The following GARIN1B variants were observed in gnomAD, a reference collection of about 807,000 sequenced individuals.
GARIN1B encodes the protein golgi associated RAB2 interactor 1B.
chr7:128,728,210 G>A, the GARIN1B span, among the ~76,000 whole-genome samples: 7 of 152,306 alleles, frequency 4.6e-5, no homozygotes, highest in South Asian at 8.3e-4. Flanking sequence ...TTGGGAGGCC[G>A]AGGTGGATGG....
chr7:128,718,754 C>T, the GARIN1B span: 2 of 1,545,384 alleles, frequency 1.3e-6, no homozygotes, highest in Non-Finnish European at 1.8e-6. Context: ...TAAAGGAGAC[C>T]TGCCTCATTT....
the GARIN1B span, among the ~76,000 whole-genome samples, chr7:128,717,354 C>T: frequency 1.3e-5 from 2 of 152,064 alleles, no homozygotes; most frequent in African/African-American, 2.4e-5. Flanking sequence ...ATTTCTAGTT[C>T]TTGGTGTACA....
chr7:128,723,153 C>T, the GARIN1B span: 6 of 1,550,030 alleles, frequency 3.9e-6, no homozygotes, highest in Non-Finnish European at 5.2e-6. Flanking sequence ...ATGTGAAGAC[C>T]CCAAGGCCTT....
At chr7:128,716,914 A>T in the GARIN1B span, 298 of 1,613,686 alleles carry the variant, frequency 1.8e-4, no homozygotes, top group Non-Finnish European at 2.5e-4. Context: ...CCAACATCCT[A>T]CTCATGGCCA....
the GARIN1B span, chr7:128,726,789 C>T: frequency 6.2e-7 from 1 of 1,611,354 alleles, no homozygotes; most frequent in Non-Finnish European, 8.5e-7. Context: ...TTTTCCTTTA[C>T]TTTCAACTTT....
At chr7:128,731,265 A>G in the GARIN1B span, 1 of 803,722 alleles carries the variant, frequency 1.2e-6, no homozygotes, top group Non-Finnish European at 2.2e-6. Flanking sequence ...GAGCCTTTCC[A>G]GCTGTACATA....
At chr7:128,727,211 G>A in the GARIN1B span, among the ~76,000 whole-genome samples, 96,480 of 152,118 alleles carry the variant, frequency 0.63, 31,192 homozygotes, top group African/African-American at 0.75. Flanking sequence ...CTGAGTGCCA[G>A]TTACTGTGAT....
the GARIN1B span, among the ~76,000 whole-genome samples, chr7:128,714,848 T>C: frequency 1.3e-5 from 2 of 152,106 alleles, no homozygotes; most frequent in South Asian, 4.1e-4. Context: ...AACTAATTAC[T>C]TCTCCTGCTT....
the GARIN1B span, among the ~76,000 whole-genome samples, chr7:128,727,612 TC>T: frequency 6.6e-6 from 1 of 152,038 alleles, no homozygotes; most frequent in African/African-American, 2.4e-5. Context: ...TGCACAATCT[TC>T]CCCCATCTCA....
At chr7:128,730,617 T>A in the GARIN1B span, among the ~76,000 whole-genome samples, 1 of 151,810 alleles carries the variant, frequency 6.6e-6, no homozygotes, top group African/African-American at 2.4e-5. Flanking sequence ...GTGATTTCTG[T>A]TTTCTAAAGT....
chr7:128,725,607 T>C, the GARIN1B span, among the ~76,000 whole-genome samples: 1 of 152,172 alleles, frequency 6.6e-6, no homozygotes, highest in Non-Finnish European at 1.5e-5. Flanking sequence ...CCTGGCCTTA[T>C]GTGATCCATT....
the GARIN1B span, chr7:128,723,510 T>A: frequency 2.1e-6 from 1 of 469,298 alleles, no homozygotes; most frequent in Non-Finnish European, 3.6e-6. Flanking sequence ...GTCAGGAATT[T>A]GAGACCAGCC....
chr7:128,729,822 A>AC, the GARIN1B span: 60 of 1,459,636 alleles, frequency 4.1e-5, no homozygotes, highest in Middle Eastern at 3.5e-4. Flanking sequence ...CATCGTAAGC[A>AC]CCCCCCCAAA....
chr7:128,722,461 G>A, the GARIN1B span, among the ~76,000 whole-genome samples: 6 of 152,208 alleles, frequency 3.9e-5, no homozygotes, highest in East Asian at 1.9e-4. Flanking sequence ...ATTTTGCCCC[G>A]ATGTAAAAAG....
At chr7:128,710,839 G>A in the GARIN1B span, among the ~76,000 whole-genome samples, 2 of 151,940 alleles carry the variant, frequency 1.3e-5, no homozygotes, top group Non-Finnish European at 2.9e-5. Flanking sequence ...TTTTAGTAGA[G>A]AAGAGACGGG....
chr7:128,722,386 A>G, the GARIN1B span, among the ~76,000 whole-genome samples: 1 of 152,194 alleles, frequency 6.6e-6, no homozygotes, highest in Non-Finnish European at 1.5e-5. Context: ...ATGAGTGACT[A>G]TGGACATGGA....
chr7:128,724,685 A>G, the GARIN1B span: 1 of 1,280,772 alleles, frequency 7.8e-7, no homozygotes, highest in South Asian at 1.3e-5. Context: ...ATGGTTTAAT[A>G]GAAAGGAGAG....
chr7:128,718,371 G>T, the GARIN1B span, among the ~76,000 whole-genome samples: 323 of 150,570 alleles, frequency 2.1e-3, no homozygotes, highest in Non-Finnish European at 3.3e-3. Flanking sequence ...GGCGGAGGTT[G>T]CAGTGAGCCA....
At chr7:128,724,922 C>A in the GARIN1B span, 1 of 1,218,034 alleles carries the variant, frequency 8.2e-7, no homozygotes. Flanking sequence ...GCTCTGACTG[C>A]ACCCTTGAGC....
Sources: gnomAD v4.1 joint callset for allele counts (sites outside exome capture counted in the v4.1 genomes callset) on GRCh38, gnomAD v4.1.1 for gene constraint, MANE v1.5 for transcripts, NCBI Gene and HGNC (gene_info 2026-07-23, HGNC 2026-07-21) for gene names.